PTPRD: variants seen among roughly 807,000 people sequenced by gnomAD.
PTPRD encodes protein tyrosine phosphatase receptor type D, also known as receptor-type tyrosine-protein phosphatase delta.
A neutral mutation model predicts 214.5 loss-of-function variants in PTPRD; 34 were observed. The ratio of observed to expected loss-of-function variants is 0.16; its 90% CI spans 0.12 to 0.21. The LOEUF (loss-of-function observed/expected upper bound fraction) is 0.21, where lower values mean the gene tolerates loss of function less well. PTPRD is among the 10% of genes least tolerant of loss of function. PTPRD has a pLI of 1.00. For synonymous variants in PTPRD, 1,128 were observed against 845.7 expected (o/e 1.33, Z -5.79); for missense variants, 2,545 against 2,398.7 (o/e 1.06, Z -1.27).
Position 10,484,761 on chromosome 9 carries a change from G to C in PTPRD, c.-600+127637C>G, listed in dbSNP as rs559791683. 2.6e-5 allele frequency among the ~76,000 whole-genome samples: 4 copies of C among 151,974 alleles called. No homozygotes were observed. The South Asian group carries it at 8.3e-4, about 32-fold the overall frequency. ...TTGTTTGAGCTCCTTATGTATTCTG[G>C]TCATTACTCCCTTGTAAGATGTGTA... On this transcript the variant is annotated intron_variant, in intron 2 of 45. Transcript: ENST00000381196.
At chr9:8,431,920 C>T (rs554982473) in intron 35 of PTPRD, among the ~76,000 whole-genome samples, 2 of 152,320 alleles carry the variant, frequency 1.3e-5, no homozygotes, top group Admixed American at 6.5e-5. Context: ...CTTCTCTTTG[C>T]ACCTCTGGTA....
intron 11 of PTPRD, among the ~76,000 whole-genome samples, chr9:8,873,411 G>A (rs919477853): frequency 6.6e-6 from 1 of 152,102 alleles, no homozygotes; most frequent in African/African-American, 2.4e-5. Flanking sequence ...CAGAATATAA[G>A]CTCCCCAAGG....
intron 14 of PTPRD, among the ~76,000 whole-genome samples, chr9:8,547,429 T>C (rs1042343993): frequency 6.6e-6 from 1 of 152,010 alleles, no homozygotes. Context: ...GATTGCCTGA[T>C]CTCAGGAGTT....
chr9:8,788,811 T>C (rs1046964597), intron 11 of PTPRD, among the ~76,000 whole-genome samples: 4 of 152,220 alleles, frequency 2.6e-5, no homozygotes, highest in African/African-American at 4.8e-5. Context: ...ACCAACTGTT[T>C]ACTCAGGAAT....
chr9:10,362,020 T>G (rs113634457), intron 2 of PTPRD, among the ~76,000 whole-genome samples: 3,426 of 152,296 alleles, frequency 0.022, 123 homozygotes, highest in African/African-American at 0.079. Context: ...ATGTTTTCAG[T>G]CCAGGACAGA....
chr9:10,246,905 T>A (rs1417236809), intron 3 of PTPRD, among the ~76,000 whole-genome samples: 1 of 151,126 alleles, frequency 6.6e-6, no homozygotes, highest in Non-Finnish European at 1.5e-5. Context: ...AATAAATAAA[T>A]AAATAAACAA....
intron 33 of PTPRD, chr9:8,454,432 C>T (rs1264790977): frequency 1.3e-5 from 9 of 670,152 alleles, no homozygotes; most frequent in Admixed American, 5.8e-5. Context: ...AATGAAGTTA[C>T]TGTGTATATG....
At chr9:8,901,874 CCTT>C (rs1566914639) in intron 11 of PTPRD, among the ~76,000 whole-genome samples, 1 of 152,072 alleles carries the variant, frequency 6.6e-6, no homozygotes, top group Non-Finnish European at 1.5e-5. Context: ...ATGATGAAAT[CCTT>C]CTCTGAAATT....
intron 11 of PTPRD, among the ~76,000 whole-genome samples, chr9:8,761,605 G>A (rs1380610948): frequency 2.0e-5 from 3 of 152,120 alleles, no homozygotes; most frequent in Non-Finnish European, 1.5e-5. Context: ...CATCAAATGT[G>A]TCTCCTAAGG....
At chr9:10,039,936 C>A (rs933989912) in intron 3 of PTPRD, among the ~76,000 whole-genome samples, 1 of 151,970 alleles carries the variant, frequency 6.6e-6, no homozygotes, top group Admixed American at 6.6e-5. Flanking sequence ...ATTCTAATTT[C>A]TAAGGAAAAT....
chr9:8,694,177 T>G (rs144866621), intron 12 of PTPRD, among the ~76,000 whole-genome samples: 1 of 152,288 alleles, frequency 6.6e-6, no homozygotes, highest in East Asian at 1.9e-4. Context: ...GCTAATAAAT[T>G]TTTAAATCTG....
intron 30 of PTPRD, among the ~76,000 whole-genome samples, chr9:8,479,753 A>C (rs1327943923): frequency 6.6e-6 from 1 of 152,226 alleles, no homozygotes; most frequent in Non-Finnish European, 1.5e-5. Context: ...TTGAAAACTA[A>C]ATTAATAGTA....
intron 5 of PTPRD, among the ~76,000 whole-genome samples, chr9:9,788,238 T>A (rs966784109): frequency 1.5e-4 from 22 of 151,684 alleles, no homozygotes; most frequent in African/African-American, 4.9e-4. Flanking sequence ...CACAAAAGGA[T>A]GCCATGAAAA....
At chr9:8,321,731 C>A (rs1021940696) in intron 44 of PTPRD, among the ~76,000 whole-genome samples, 18 of 151,368 alleles carry the variant, frequency 1.2e-4, no homozygotes, top group African/African-American at 4.4e-4. Context: ...AGCATTTGGG[C>A]AAATTATGAG....
chr9:9,208,102 C>A (rs777008006), intron 9 of PTPRD, among the ~76,000 whole-genome samples: 29 of 138,952 alleles, frequency 2.1e-4, no homozygotes, highest in Non-Finnish European at 3.8e-4. Context: ...GCAAGCTCCG[C>A]CTCCCGTGTT....
intron 5 of PTPRD, among the ~76,000 whole-genome samples, chr9:9,815,439 C>A (rs1323605221): frequency 6.6e-6 from 1 of 152,034 alleles, no homozygotes; most frequent in Admixed American, 6.6e-5. Context: ...GAAAAGTCTC[C>A]TTGAAATTGA....
chr9:10,023,890 G>T (rs2096871735), intron 4 of PTPRD, among the ~76,000 whole-genome samples: 2 of 151,978 alleles, frequency 1.3e-5, no homozygotes, highest in South Asian at 2.1e-4. Context: ...GCTTCAAAAT[G>T]ACTTCAGTGG....
At chr9:9,969,424 T>C (rs540256298) in intron 4 of PTPRD, among the ~76,000 whole-genome samples, 1 of 152,282 alleles carries the variant, frequency 6.6e-6, no homozygotes, top group East Asian at 1.9e-4. Context: ...GAGGGTACTG[T>C]AGTCAAATGT....
At chr9:10,554,149 T>C (rs753201183) in intron 2 of PTPRD, among the ~76,000 whole-genome samples, 1 of 152,218 alleles carries the variant, frequency 6.6e-6, no homozygotes, top group African/African-American at 2.4e-5. Context: ...TTTTAGTGTA[T>C]AACTCAACCC....
Sources: gnomAD v4.1 joint callset for allele counts (sites outside exome capture counted in the v4.1 genomes callset) on GRCh38, gnomAD v4.1.1 for gene constraint, MANE v1.5 for transcripts, NCBI Gene and HGNC (gene_info 2026-07-23, HGNC 2026-07-21) for gene names.